EHBP1: variants seen among roughly 807,000 people sequenced by gnomAD.
EHBP1 encodes the protein EH domain binding protein 1, also known as EH domain-binding protein 1.
EHBP1 carries 55 observed loss-of-function variants against 144.0 expected under a neutral mutation model. The observed-to-expected ratio is 0.38, with a 90% CI of 0.31 to 0.48. The LOEUF is 0.48. Ranked by LOEUF, EHBP1 falls within the 20% of genes least tolerant of loss-of-function variation. The pLI is 0.98. For synonymous variants in EHBP1, 469 were observed against 472.7 expected (o/e 0.99, Z 0.10); for missense variants, 1,200 against 1,364.2 (o/e 0.88, Z 1.90).
chr2:62,947,589 T>C (rs967472352), intron 12 of EHBP1, among the ~76,000 whole-genome samples: 3 of 152,184 alleles, frequency 2.0e-5, no homozygotes, highest in Admixed American at 1.3e-4. Context: ...AATTGTAAAT[T>C]GAGAAACAGC....
chr2:62,863,832 TCTG>T, intron 8 of EHBP1, among the ~76,000 whole-genome samples: 1 of 140,264 alleles, frequency 7.1e-6, no homozygotes, highest in Non-Finnish European at 1.5e-5. Context: ...ATTTTATTTT[TCTG>T]TGTTGTTTTT....
chr2:62,915,124 C>T (rs559044303), intron 10 of EHBP1, among the ~76,000 whole-genome samples: 12 of 151,912 alleles, frequency 7.9e-5, no homozygotes, highest in Admixed American at 2.0e-4. Flanking sequence ...TCTATGTATA[C>T]GTATGGATCT....
chr2:62,834,586 C>T (rs550967353), intron 7 of EHBP1, among the ~76,000 whole-genome samples: 66 of 152,280 alleles, frequency 4.3e-4, no homozygotes, highest in African/African-American at 1.5e-3. Context: ...ATAGTATAAA[C>T]GTAACTTTTA....
rs550022699 is a variant in EHBP1, at chr2:62,817,549, T to A, written c.313-8538T>A. Among the ~76,000 whole-genome samples, 258 of 152,266 alleles carry A rather than the reference T, an allele frequency of 1.7e-3. 1 individual carries two copies. The highest frequency in any genetic ancestry group is 3.0e-3 in the Non-Finnish European group (204 of 68,008). ...TAGGGCCTGTCGGTCCAGTAAGGGCTTTTTGGCTTTTGCTGTGGGGCAATT... is the reference window on the plus strand; with the variant it reads ...TAGGGCCTGTCGGTCCAGTAAGGGCATTTTGGCTTTTGCTGTGGGGCAATT... On this transcript the variant is annotated intron_variant, in intron 5 of 22. Transcript: ENST00000431489.
At chr2:63,002,240 T>G (rs953123350) in intron 19 of EHBP1, among the ~76,000 whole-genome samples, 2 of 152,160 alleles carry the variant, frequency 1.3e-5, no homozygotes, top group African/African-American at 4.8e-5. Flanking sequence ...AATGTTTTTT[T>G]GAGTTATGTT....
chr2:62,720,893 C>T (rs1436295619), intron 2 of EHBP1, among the ~76,000 whole-genome samples: 1 of 152,064 alleles, frequency 6.6e-6, no homozygotes, highest in South Asian at 2.1e-4. Context: ...TGTGTTGGGC[C>T]GCAGTTTGGA....
At chr2:62,897,528 T>A (rs139116167) in intron 10 of EHBP1, among the ~76,000 whole-genome samples, 201 of 152,350 alleles carry the variant, frequency 1.3e-3, no homozygotes, top group African/African-American at 4.4e-3. Flanking sequence ...TTGTACCATT[T>A]GCAATCAGAT....
intron 3 of EHBP1, among the ~76,000 whole-genome samples, chr2:62,751,868 C>G (rs1217587295): frequency 1.3e-5 from 2 of 151,948 alleles, no homozygotes; most frequent in East Asian, 3.9e-4. Flanking sequence ...TTTCATTCTT[C>G]TCTCTTTTCT....
chr2:62,769,655 C>CT (rs869139415), intron 4 of EHBP1, among the ~76,000 whole-genome samples: 1 of 152,050 alleles, frequency 6.6e-6, no homozygotes, highest in East Asian at 1.9e-4. Context: ...CTTGAAAAAA[C>CT]TTTTTAAAAA....
chr2:62,939,693 G>A (rs2056620266), intron 10 of EHBP1, among the ~76,000 whole-genome samples: 1 of 152,120 alleles, frequency 6.6e-6, no homozygotes, highest in Non-Finnish European at 1.5e-5. Context: ...GAGTACCAGG[G>A]AAATGGAGCA....
intron 15 of EHBP1, among the ~76,000 whole-genome samples, chr2:62,990,099 T>C (rs969319309): frequency 3.9e-5 from 6 of 152,234 alleles, no homozygotes; most frequent in Middle Eastern, 6.8e-3. Context: ...TATTGTATTA[T>C]GAAAGATTAA....
rs375369910 is a variant in EHBP1 at position 62,883,239 on chromosome 2, A to G, written c.1185+8707A>G. Among the ~76,000 whole-genome samples, 72 of 152,306 alleles carry G rather than the reference A, an allele frequency of 4.7e-4. 1 individual carries two copies. Among genetic ancestry groups the G allele is most frequent in the African/African-American group, 1.5e-3 (64 of 41,560 alleles). ...AGAGGTATTTCTGGTTCCAGGTTGG[A>G]ACTCTAAATACGTTTTTCCATAGAA... On this transcript the variant is annotated intron_variant, in intron 10 of 22. Coordinates refer to ENST00000431489, the MANE Select transcript of EHBP1 (RefSeq NM_001142616.3).
chr2:62,681,338 G>GTATATATATATATATATATATATATA (rs1376388270), intron 1 of EHBP1, among the ~76,000 whole-genome samples: 1 of 16,910 alleles, frequency 5.9e-5, no homozygotes, highest in Non-Finnish European at 9.7e-5. Flanking sequence ...GTATGTGTGT[G>GTATATATATATATATATATATATATA]TGTATATATA....
chr2:62,771,967 G>A (rs1165482423), intron 5 of EHBP1: 1 of 152,248 alleles, frequency 6.6e-6, no homozygotes, highest in African/African-American at 2.4e-5. Flanking sequence ...AAATAGCTGG[G>A]CGTCATGGCG....
chr2:62,787,162 A>G (rs1361716791), intron 5 of EHBP1, among the ~76,000 whole-genome samples: 1 of 152,142 alleles, frequency 6.6e-6, no homozygotes, highest in Non-Finnish European at 1.5e-5. Context: ...TATAGTCATG[A>G]TTTTTGACTG....
At chr2:62,904,005 A>G (rs1312948176) in intron 10 of EHBP1, among the ~76,000 whole-genome samples, 1 of 152,238 alleles carries the variant, frequency 6.6e-6, no homozygotes, top group Non-Finnish European at 1.5e-5. Flanking sequence ...TTACCTTTCT[A>G]TGTTTTGGTT....
chr2:62,970,818 A>G (rs970623102), intron 14 of EHBP1, among the ~76,000 whole-genome samples: 4 of 152,144 alleles, frequency 2.6e-5, no homozygotes, highest in Admixed American at 1.3e-4. Context: ...CCTCAAAAGC[A>G]AAAGTCTGCT....
At chr2:62,867,196 TA>T (rs1573802283) in intron 9 of EHBP1, among the ~76,000 whole-genome samples, 1 of 152,296 alleles carries the variant, frequency 6.6e-6, no homozygotes, top group East Asian at 1.9e-4. Flanking sequence ...CTGGGTTTTA[TA>T]ACATATAGAA....
chr2:62,990,649 A>G (rs1396812940), intron 15 of EHBP1, 67 bp from the exon 16 acceptor site: 21 of 1,522,618 alleles, frequency 1.4e-5, no homozygotes, highest in East Asian at 1.4e-4. Flanking sequence ...GAGCTCACAT[A>G]AAATTGACAG....
Sources: gnomAD v4.1 joint callset for allele counts (sites outside exome capture counted in the v4.1 genomes callset) on GRCh38, gnomAD v4.1.1 for gene constraint, MANE v1.5 for transcripts, NCBI Gene and HGNC (gene_info 2026-07-23, HGNC 2026-07-21) for gene names.